Variants in DNAJC1 observed in about 807,000 individuals in gnomAD.
DNAJC1 encodes DnaJ heat shock protein family (Hsp40) member C1.
Under a neutral mutation model 76.6 loss-of-function variants are expected in DNAJC1, and 58 were observed. The ratio of observed to expected loss-of-function variants is 0.76; its 90% CI spans 0.61 to 0.94. The LOEUF (loss-of-function observed/expected upper bound fraction) is 0.94, where lower values mean the gene tolerates loss of function less well. Ranked by LOEUF, DNAJC1 falls within the 40% of genes least tolerant of loss-of-function variation. DNAJC1 has a pLI of 0.00. For synonymous variants in DNAJC1, 258 were observed against 267.9 expected (o/e 0.96, Z 0.36); for missense variants, 689 against 677.3 (o/e 1.02, Z -0.19).
At chr10:21,868,076 CAAAA>C (rs775127374) in intron 8 of DNAJC1, among the ~76,000 whole-genome samples, 1 of 21,224 alleles carries the variant, frequency 4.7e-5, no homozygotes, top group African/African-American at 1.7e-4. Flanking sequence ...ATTCTGTCTC[CAAAA>C]AAAAAAAAAC....
rs1237971520 is a variant in DNAJC1 at position 21,762,121 on chromosome 10, A to T, written c.1148-2503T>A. On this transcript the variant is annotated intron_variant, in intron 10 of 11. Coordinates refer to ENST00000376980, the MANE Select transcript of DNAJC1 (RefSeq NM_022365.4). The stretch of plus-strand genomic sequence containing the variant: ...GCCCAGCTAATTTTTGTATTTATAG[A>T]ACAGACGAGGTTTCACCATGTTGGC... Among the ~76,000 whole-genome samples, 4 of 152,064 alleles carry T rather than the reference A, an allele frequency of 2.6e-5. No homozygotes were observed. The East Asian group carries it at 7.7e-4, about 29-fold the overall frequency.
At chr10:21,947,041 C>A (rs1175942797) in intron 1 of DNAJC1, among the ~76,000 whole-genome samples, 1 of 152,172 alleles carries the variant, frequency 6.6e-6, no homozygotes, top group Non-Finnish European at 1.5e-5. Context: ...TGATATTGGA[C>A]TTTCCAGCTC....
chr10:21,999,464 T>C (rs1838479626), intron 1 of DNAJC1, among the ~76,000 whole-genome samples: 1 of 145,926 alleles, frequency 6.9e-6, no homozygotes, highest in African/African-American at 2.5e-5. Flanking sequence ...TTTTTTTTTT[T>C]TTTTTTTTTG....
chr10:21,956,578 C>T (rs1837687487), intron 1 of DNAJC1, among the ~76,000 whole-genome samples: 1 of 149,844 alleles, frequency 6.7e-6, no homozygotes, highest in South Asian at 2.1e-4. Flanking sequence ...TATTTATGTA[C>T]ATATATAAAC....
chr10:22,000,002 C>G (rs898439683), intron 1 of DNAJC1, among the ~76,000 whole-genome samples: 1 of 152,184 alleles, frequency 6.6e-6, no homozygotes, highest in African/African-American at 2.4e-5. Context: ...TTAGCATGTC[C>G]GTAAACCAAA....
intron 8 of DNAJC1, among the ~76,000 whole-genome samples, chr10:21,823,764 C>T (rs1835197486): frequency 6.6e-6 from 1 of 151,124 alleles, no homozygotes; most frequent in South Asian, 2.1e-4. Context: ...GCAGAAAAAT[C>T]CCACAATGTT....
intron 8 of DNAJC1, among the ~76,000 whole-genome samples, chr10:21,878,754 A>G (rs1836225374): frequency 6.6e-6 from 1 of 152,130 alleles, no homozygotes; most frequent in Non-Finnish European, 1.5e-5. Context: ...ATATTTTTCA[A>G]GGATCAACTG....
chr10:21,860,502 C>A (rs1189081080), intron 8 of DNAJC1, among the ~76,000 whole-genome samples: 1 of 151,864 alleles, frequency 6.6e-6, no homozygotes, highest in African/African-American at 2.4e-5. Flanking sequence ...ACCAGCCTGA[C>A]CAAAAATAGT....
rs564854026 is a variant in DNAJC1, at chr10:21,884,509, T to C, written c.821-2070A>G. On this transcript the variant is annotated intron_variant, in intron 7 of 11. Coordinates refer to ENST00000376980, the MANE Select transcript of DNAJC1 (RefSeq NM_022365.4). ...TGGAAAGCAGTCTAAACATATCCAT[T>C]AAAATTAACATATACAGCCTTTTCC... is the stretch of plus-strand genomic sequence containing the variant. Among the ~76,000 whole-genome samples the C allele has an allele frequency of 3.9e-5, 6 of 152,238 alleles. No homozygotes were observed. The East Asian group carries it at 1.2e-3, about 29-fold the overall frequency.
intron 1 of DNAJC1, among the ~76,000 whole-genome samples, chr10:21,935,609 C>A (rs777637494): frequency 6.6e-6 from 1 of 151,926 alleles, no homozygotes; most frequent in Non-Finnish European, 1.5e-5. Flanking sequence ...TGATGAAAGA[C>A]ATAAACCTAT....
At chr10:21,757,113 C>A (rs1665937982) in intron 11 of DNAJC1, among the ~76,000 whole-genome samples, 1 of 152,204 alleles carries the variant, frequency 6.6e-6, no homozygotes, top group Admixed American at 6.5e-5. Flanking sequence ...AATCAAAAAC[C>A]CTGGGGCCAG....
intron 8 of DNAJC1, among the ~76,000 whole-genome samples, chr10:21,844,729 G>GT (rs144894071): frequency 3.9e-5 from 6 of 152,012 alleles, no homozygotes; most frequent in African/African-American, 1.4e-4. Context: ...AAAAATGGCT[G>GT]TTTTTTTAAA....
chr10:21,893,433 C>A (rs1460466473), intron 7 of DNAJC1, among the ~76,000 whole-genome samples: 2 of 151,924 alleles, frequency 1.3e-5, no homozygotes, highest in African/African-American at 4.8e-5. Flanking sequence ...TCAAGACCAG[C>A]CTGGGCCAAC....
intron 1 of DNAJC1, among the ~76,000 whole-genome samples, chr10:21,987,363 T>C (rs1208501771): frequency 6.6e-6 from 1 of 152,108 alleles, no homozygotes; most frequent in African/African-American, 2.4e-5. Context: ...TACAATAATA[T>C]AGTTGGTTGT....
At chr10:21,769,677 G>GTT (rs1258942053) in intron 9 of DNAJC1, among the ~76,000 whole-genome samples, 1 of 152,028 alleles carries the variant, frequency 6.6e-6, no homozygotes, top group East Asian at 1.9e-4. Flanking sequence ...AAACTCATCA[G>GTT]TTTTTCTTTT....
chr10:21,998,939 C>T (rs759255978), intron 1 of DNAJC1, among the ~76,000 whole-genome samples: 43 of 152,198 alleles, frequency 2.8e-4, no homozygotes, highest in Non-Finnish European at 5.3e-4. Flanking sequence ...TACCATCTGT[C>T]CTAAAAATGA....
chr10:21,819,168 C>T (rs965253737), intron 8 of DNAJC1, among the ~76,000 whole-genome samples: 1 of 152,110 alleles, frequency 6.6e-6, no homozygotes, highest in African/African-American at 2.4e-5. Context: ...TCTTGGGAGG[C>T]CAAGGCAGGT....
chr10:21,859,846 C>T (rs1354614987), intron 8 of DNAJC1, among the ~76,000 whole-genome samples: 2 of 151,910 alleles, frequency 1.3e-5, no homozygotes. Flanking sequence ...TACAGTGGCA[C>T]GATCTCAGCT....
chr10:21,947,693 G>A (rs758842556), intron 1 of DNAJC1, among the ~76,000 whole-genome samples: 3 of 152,122 alleles, frequency 2.0e-5, no homozygotes, highest in Non-Finnish European at 4.4e-5. Context: ...TGTTGTTCAA[G>A]AGTCTGTTAT....
Sources: allele counts gnomAD v4.1 joint callset (sites outside exome capture counted in the v4.1 genomes callset), GRCh38; gene constraint gnomAD v4.1.1; transcripts MANE v1.5; gene names NCBI Gene and HGNC (gene_info 2026-07-23, HGNC 2026-07-21).